DPP6: variants seen among roughly 807,000 people sequenced by gnomAD.
The protein encoded by DPP6 is dipeptidyl peptidase like 6.
In DPP6, 69 loss-of-function variants were observed where a neutral mutation model predicts 122.6. The ratio of observed to expected loss-of-function variants is 0.56; its 90% CI spans 0.46 to 0.69. The LOEUF (loss-of-function observed/expected upper bound fraction) is 0.69. Ranked by LOEUF, DPP6 falls within the 30% of genes least tolerant of loss-of-function variation. DPP6 has a pLI of 0.00. For missense variants in DPP6, 928 were observed against 1,116.9 expected, an observed-to-expected ratio of 0.83 and a Z score of 2.41; for synonymous variants, 418 against 433.1, an observed-to-expected ratio of 0.97 and a Z score of 0.43.
the DPP6 span, among the ~76,000 whole-genome samples, chr7:153,858,367 G>T: frequency 1.1e-4 from 17 of 152,240 alleles, 1 homozygote; most frequent in Admixed American, 9.8e-4. Context: ...CAGTTTTCAG[G>T]GTGTCAGGTA....
chr7:153,795,130 G>T, the DPP6 span, among the ~76,000 whole-genome samples: 2 of 152,198 alleles, frequency 1.3e-5, no homozygotes, highest in African/African-American at 4.8e-5. Context: ...AATATTTATA[G>T]AATCTGGCCG....
At chr7:153,892,222 G>A (rs915058812) in intron 1 of DPP6, among the ~76,000 whole-genome samples, 7 of 152,224 alleles carry the variant, frequency 4.6e-5, no homozygotes, top group Middle Eastern at 3.2e-3. Flanking sequence ...GCATTCCAGC[G>A]ATGATGCTGT....
At chr7:154,494,314 C>G (rs1274752341) in intron 3 of DPP6, among the ~76,000 whole-genome samples, 4 of 151,318 alleles carry the variant, frequency 2.6e-5, no homozygotes, top group African/African-American at 7.3e-5. Flanking sequence ...TGACATCGCA[C>G]CACTGCACTC....
chr7:154,302,053 G>A (rs369361953), intron 1 of DPP6, among the ~76,000 whole-genome samples: 147 of 152,174 alleles, frequency 9.7e-4, no homozygotes, highest in Middle Eastern at 3.4e-3. Context: ...TCCTGACCTC[G>A]TGATCTACCC....
chr7:154,265,776 T>G (rs1803380533), intron 1 of DPP6, among the ~76,000 whole-genome samples: 1 of 152,182 alleles, frequency 6.6e-6, no homozygotes, highest in Non-Finnish European at 1.5e-5. Flanking sequence ...GTATTTCTTT[T>G]TAAAAAAATA....
At chr7:154,395,107 A>T (rs146981419) in intron 1 of DPP6, among the ~76,000 whole-genome samples, 1 of 152,196 alleles carries the variant, frequency 6.6e-6, no homozygotes, top group African/African-American at 2.4e-5. Flanking sequence ...CAGATTTCAC[A>T]TCTGATGAGG....
chr7:154,563,536 G>C (rs1830559589), intron 4 of DPP6, among the ~76,000 whole-genome samples: 1 of 152,232 alleles, frequency 6.6e-6, no homozygotes, highest in African/African-American at 2.4e-5. Context: ...AAGGGTAATG[G>C]TGGTGGGAAA....
At chr7:154,235,511 C>A (rs1801155258) in intron 1 of DPP6, among the ~76,000 whole-genome samples, 1 of 144,440 alleles carries the variant, frequency 6.9e-6, no homozygotes, top group Admixed American at 6.8e-5. Context: ...CTATACAAAC[C>A]AACTCTAAGT....
the DPP6 span, among the ~76,000 whole-genome samples, chr7:153,826,985 C>T: frequency 9.8e-6 from 1 of 101,610 alleles, no homozygotes; most frequent in Non-Finnish European, 1.9e-5. Flanking sequence ...ATAAATAGAA[C>T]AGTGAAAATC....
intron 1 of DPP6, among the ~76,000 whole-genome samples, chr7:154,344,776 T>G (rs1379494721): frequency 6.6e-6 from 1 of 152,096 alleles, no homozygotes; most frequent in Non-Finnish European, 1.5e-5. Flanking sequence ...TAGTCCCAAC[T>G]ACTCGGGAGG....
chr7:153,983,221 C>T (rs1009489815), intron 1 of DPP6, among the ~76,000 whole-genome samples: 65 of 152,232 alleles, frequency 4.3e-4, no homozygotes, highest in Admixed American at 3.3e-4. Context: ...GGGGCTGCTG[C>T]CTTTCTTTCA....
intron 16 of DPP6, among the ~76,000 whole-genome samples, chr7:154,836,028 A>T (rs965245658): frequency 2.0e-5 from 3 of 152,212 alleles, no homozygotes; most frequent in African/African-American, 7.2e-5. Context: ...CCTCAGGCAC[A>T]CTATGACCTT....
chr7:153,869,661 A>G, the DPP6 span, among the ~76,000 whole-genome samples: 1 of 152,144 alleles, frequency 6.6e-6, no homozygotes, highest in Non-Finnish European at 1.5e-5. Context: ...TTTAAGGTTA[A>G]TATTGTTATA....
intron 1 of DPP6, among the ~76,000 whole-genome samples, chr7:154,259,124 G>A (rs1802841015): frequency 1.3e-5 from 2 of 152,198 alleles, no homozygotes; most frequent in Non-Finnish European, 2.9e-5. Context: ...GCAGCCATGT[G>A]TTTTATGAAT....
Position 154,891,448 on chromosome 7 carries a change from T to C in DPP6, c.2452-886T>C, listed in dbSNP as rs139903110. ...TTAATTCTCACAAAGTGTCATGAGC[T>C]GGAGTCTGTGATTATCCTCCCCACC... On this transcript the variant is annotated intron_variant, in intron 25 of 25. Coordinates refer to ENST00000377770, the MANE Select transcript of DPP6 (RefSeq NM_130797.4). Among the ~76,000 whole-genome samples, 45 of 152,244 alleles carry C rather than the reference T, an allele frequency of 3.0e-4. 2 individuals are homozygous for C. The East Asian group carries it at 8.7e-3, about 29-fold the overall frequency.
intron 1 of DPP6, among the ~76,000 whole-genome samples, chr7:154,433,412 G>A (rs1030904266): frequency 4.0e-5 from 6 of 151,290 alleles, no homozygotes; most frequent in East Asian, 3.9e-4. Context: ...CAGGTGATCC[G>A]GCCGCCTCAG....
the DPP6 span, among the ~76,000 whole-genome samples, chr7:153,790,953 G>T: frequency 1.3e-5 from 2 of 152,152 alleles, no homozygotes; most frequent in Non-Finnish European, 2.9e-5. Flanking sequence ...TAGTCATTTT[G>T]GAAGACCCGA....
At chr7:154,330,173 A>G (rs1049203131) in intron 1 of DPP6, among the ~76,000 whole-genome samples, 2 of 152,252 alleles carry the variant, frequency 1.3e-5, no homozygotes, top group East Asian at 1.9e-4. Flanking sequence ...CGTTGTGCAC[A>G]TGTATCCCAG....
the DPP6 span, among the ~76,000 whole-genome samples, chr7:153,774,919 G>A: frequency 6.6e-6 from 1 of 152,000 alleles, no homozygotes; most frequent in East Asian, 1.9e-4. Context: ...AGTGAGCTAT[G>A]ATTGCACCAC....
Sources: gnomAD v4.1 joint callset for allele counts (sites outside exome capture counted in the v4.1 genomes callset) on GRCh38, gnomAD v4.1.1 for gene constraint, MANE v1.5 for transcripts, NCBI Gene and HGNC (gene_info 2026-07-23, HGNC 2026-07-21) for gene names.